AFF3: variants seen among roughly 807,000 people sequenced by gnomAD.
The protein encoded by AFF3 is AF4/FMR2 family member 3.
AFF3 carries 32 observed loss-of-function variants against 129.7 expected under a neutral mutation model. That is an observed-to-expected ratio of 0.25 (90% CI 0.19 to 0.33). The LOEUF (loss-of-function observed/expected upper bound fraction) is 0.33. Among genes scored for constraint, AFF3 ranks in the 10% least tolerant of loss-of-function variants. The pLI, the probability that AFF3 is intolerant of heterozygous loss-of-function variation, is 1.00. For synonymous variants in AFF3, 644 were observed against 635.4 expected (o/e 1.01, Z -0.20); for missense variants, 1,373 against 1,592.0 (o/e 0.86, Z 2.34).
At chr2:99,889,005 C>T (rs1484668634) in intron 7 of AFF3, among the ~76,000 whole-genome samples, 1 of 152,204 alleles carries the variant, frequency 6.6e-6, no homozygotes, top group African/African-American at 2.4e-5. Flanking sequence ...AATGATGTAG[C>T]TGTATGCTTT....
At chr2:99,938,535 T>G (rs1479218768) in intron 7 of AFF3, among the ~76,000 whole-genome samples, 1 of 152,214 alleles carries the variant, frequency 6.6e-6, no homozygotes, top group Non-Finnish European at 1.5e-5. Flanking sequence ...ACTAGTCTAG[T>G]CATTTCTGTG....
At chr2:99,813,192 C>T (rs371428872) in intron 8 of AFF3, among the ~76,000 whole-genome samples, 74 of 152,248 alleles carry the variant, frequency 4.9e-4, no homozygotes, top group African/African-American at 1.8e-3. Flanking sequence ...GTTGGAGGGA[C>T]GTCGAGCAGG....
chr2:100,024,362 G>A (rs1484291661), intron 4 of AFF3, among the ~76,000 whole-genome samples: 1 of 151,724 alleles, frequency 6.6e-6, no homozygotes, highest in Non-Finnish European at 1.5e-5. Flanking sequence ...ATCACCTGAG[G>A]TCGGGAGTTC....
chr2:100,049,159 G>C (rs1021740480), intron 4 of AFF3, among the ~76,000 whole-genome samples: 1 of 152,166 alleles, frequency 6.6e-6, no homozygotes, highest in Non-Finnish European at 1.5e-5. Flanking sequence ...AAGGAAGAAA[G>C]AACCTTATAG....
At chr2:100,076,858 TAGA>T (rs1688628009) in intron 4 of AFF3, among the ~76,000 whole-genome samples, 1 of 152,180 alleles carries the variant, frequency 6.6e-6, no homozygotes, top group Non-Finnish European at 1.5e-5. Flanking sequence ...GTGCAGTAAG[TAGA>T]AGAATGGCTC....
chr2:99,710,276 G>C (rs1170666120), intron 11 of AFF3, among the ~76,000 whole-genome samples: 1 of 151,856 alleles, frequency 6.6e-6, no homozygotes, highest in Non-Finnish European at 1.5e-5. Context: ...TTCTTTTTTT[G>C]AGACAGAGTC....
intron 11 of AFF3, among the ~76,000 whole-genome samples, chr2:99,705,707 C>G (rs555291410): frequency 6.6e-6 from 1 of 151,766 alleles, no homozygotes; most frequent in Non-Finnish European, 1.5e-5. Context: ...AACCCTGTCT[C>G]TACTAAAAAT....
At chr2:99,872,904 T>C (rs577353352) in intron 7 of AFF3, among the ~76,000 whole-genome samples, 1 of 152,338 alleles carries the variant, frequency 6.6e-6, no homozygotes, top group African/African-American at 2.4e-5. Context: ...TAAGTTCTAA[T>C]TTTTGCTTAA....
chr2:99,820,106 A>C (rs1400088985), intron 8 of AFF3, among the ~76,000 whole-genome samples: 1 of 152,226 alleles, frequency 6.6e-6, no homozygotes, highest in Non-Finnish European at 1.5e-5. Context: ...ACAGTCATGC[A>C]TCGCTTGACA....
chr2:100,024,868 C>T (rs1018777774), intron 4 of AFF3, among the ~76,000 whole-genome samples: 3 of 151,902 alleles, frequency 2.0e-5, no homozygotes, highest in African/African-American at 7.3e-5. Flanking sequence ...CATTTATAGA[C>T]ACATGAAAAT....
intron 1 of AFF3, among the ~76,000 whole-genome samples, chr2:100,140,142 T>C (rs917185932): frequency 6.6e-6 from 1 of 152,206 alleles, no homozygotes; most frequent in Non-Finnish European, 1.5e-5. Context: ...TGTAGACTCA[T>C]TGAGCCCTCA....
At chr2:99,758,312 T>C (rs546757228) in intron 8 of AFF3, among the ~76,000 whole-genome samples, 2 of 152,220 alleles carry the variant, frequency 1.3e-5, no homozygotes, top group South Asian at 4.1e-4. Context: ...TCGGGCAGAG[T>C]GGCTCATGCC....
At chr2:99,568,066 A>T (rs2104658103) in intron 19 of AFF3, among the ~76,000 whole-genome samples, 1 of 152,288 alleles carries the variant, frequency 6.6e-6, no homozygotes, top group African/African-American at 2.4e-5. Flanking sequence ...AATAGGTGAC[A>T]CTGGTAGCAT....
intron 4 of AFF3, among the ~76,000 whole-genome samples, chr2:100,063,419 A>G (rs1368511386): frequency 6.6e-6 from 1 of 152,182 alleles, no homozygotes; most frequent in Non-Finnish European, 1.5e-5. Flanking sequence ...TTTTACCACA[A>G]TTTTTTAAAT....
At chr2:99,894,357 G>A (rs1303683208) in intron 7 of AFF3, among the ~76,000 whole-genome samples, 1 of 152,078 alleles carries the variant, frequency 6.6e-6, no homozygotes, top group African/African-American at 2.4e-5. Flanking sequence ...AGAGAAAAAA[G>A]GGAGGAGGAA....
intron 8 of AFF3, among the ~76,000 whole-genome samples, chr2:99,773,748 G>T (rs971607788): frequency 6.6e-6 from 1 of 152,158 alleles, no homozygotes; most frequent in Non-Finnish European, 1.5e-5. Context: ...GCAAGAGAAA[G>T]AATTAAAGGG....
intron 7 of AFF3, among the ~76,000 whole-genome samples, chr2:99,926,050 T>A (rs1427068134): frequency 6.6e-6 from 1 of 152,232 alleles, no homozygotes; most frequent in African/African-American, 2.4e-5. Context: ...TTAGCAAACA[T>A]GTATTGAGCC....
chr2:100,050,117 C>G (rs1002124742), intron 4 of AFF3, among the ~76,000 whole-genome samples: 1 of 151,374 alleles, frequency 6.6e-6, no homozygotes, highest in East Asian at 2.0e-4. Flanking sequence ...GAGGCTGAGA[C>G]AAGAGAATTG....
intron 20 of AFF3, among the ~76,000 whole-genome samples, chr2:99,564,801 T>C (rs1402163179): frequency 3.3e-5 from 5 of 152,354 alleles, no homozygotes; most frequent in Non-Finnish European, 7.3e-5. Flanking sequence ...TTTCTCATTA[T>C]GGATATTAGA....
Sources: gnomAD v4.1 joint callset for allele counts (sites outside exome capture counted in the v4.1 genomes callset) on GRCh38, gnomAD v4.1.1 for gene constraint, MANE v1.5 for transcripts, NCBI Gene and HGNC (gene_info 2026-07-23, HGNC 2026-07-21) for gene names.